The following SORCS1 variants were observed in gnomAD, a reference collection of about 807,000 sequenced individuals.
SORCS1 encodes the protein sortilin related VPS10 domain containing receptor 1.
In SORCS1, 60 loss-of-function variants were observed where a neutral mutation model predicts 146.1. That is an observed-to-expected ratio of 0.41 (90% CI 0.33 to 0.51). SORCS1 has a LOEUF of 0.51. Ranked by LOEUF, SORCS1 falls within the 20% of genes least tolerant of loss-of-function variation. The pLI is 0.21. For missense variants in SORCS1, 1,352 were observed against 1,487.6 expected (o/e 0.91, Z 1.50); for synonymous variants, 637 against 584.0 (o/e 1.09, Z -1.31).
At chr10:107,046,863 CA>C (rs1332265885) in intron 1 of SORCS1, among the ~76,000 whole-genome samples, 1 of 152,174 alleles carries the variant, frequency 6.6e-6, no homozygotes, top group Non-Finnish European at 1.5e-5. Context: ...GAGCATAAAG[CA>C]AAGAAGGCTT....
intron 1 of SORCS1, among the ~76,000 whole-genome samples, chr10:107,145,332 G>C (rs746902719): frequency 6.6e-6 from 1 of 152,200 alleles, no homozygotes; most frequent in Non-Finnish European, 1.5e-5. Context: ...AAGGCCAGAA[G>C]ACCAGCAACT....
chr10:106,636,186 G>A (rs933723501), intron 18 of SORCS1, among the ~76,000 whole-genome samples: 2 of 152,004 alleles, frequency 1.3e-5, no homozygotes, highest in African/African-American at 4.8e-5. Flanking sequence ...CTTGAGCCCG[G>A]GAAGTCAAGG....
intron 1 of SORCS1, among the ~76,000 whole-genome samples, chr10:107,068,523 A>C (rs1272422085): frequency 2.6e-5 from 4 of 152,186 alleles, no homozygotes; most frequent in East Asian, 1.9e-4. Context: ...TACTTCAGGC[A>C]TAAGTCGGCC....
intron 2 of SORCS1, among the ~76,000 whole-genome samples, chr10:106,881,687 C>A (rs533063880): frequency 3.9e-5 from 6 of 152,308 alleles, no homozygotes; most frequent in Non-Finnish European, 7.4e-5. Flanking sequence ...TCACTAGAGA[C>A]CAACGGGCTT....
At chr10:107,025,144 C>T (rs1958342843) in intron 1 of SORCS1, among the ~76,000 whole-genome samples, 2 of 152,162 alleles carry the variant, frequency 1.3e-5, no homozygotes, top group African/African-American at 4.8e-5. Flanking sequence ...ATGAAAGGCA[C>T]AGTCTTATAA....
intron 1 of SORCS1, among the ~76,000 whole-genome samples, chr10:106,976,325 G>T (rs1589832068): frequency 2.2e-5 from 2 of 90,494 alleles, no homozygotes; most frequent in East Asian, 3.0e-4. Context: ...CATCATCTAG[G>T]TTTTTTTGTT....
chr10:107,050,014 A>G (rs1480797106), intron 1 of SORCS1, among the ~76,000 whole-genome samples: 1 of 152,216 alleles, frequency 6.6e-6, no homozygotes, highest in Non-Finnish European at 1.5e-5. Flanking sequence ...TAGTTTTTCC[A>G]CAAGTGTACA....
chr10:107,046,424 AAT>A (rs1212167737), intron 1 of SORCS1, among the ~76,000 whole-genome samples: 1 of 152,052 alleles, frequency 6.6e-6, no homozygotes, highest in Non-Finnish European at 1.5e-5. Context: ...TTTATCAATA[AAT>A]ACATGTAATA....
intron 18 of SORCS1, among the ~76,000 whole-genome samples, chr10:106,645,778 C>T (rs1177839144): frequency 1.3e-5 from 2 of 151,758 alleles, no homozygotes; most frequent in East Asian, 3.9e-4. Context: ...TATTTTATTA[C>T]TGTAATAATA....
Position 106,959,925 on chromosome 10 carries a change from T to A in SORCS1, c.559-3345A>T, listed in dbSNP as rs577782698. On this transcript the variant is annotated intron_variant, in intron 1 of 25. Coordinates refer to ENST00000263054, the MANE Select transcript of SORCS1 (RefSeq NM_052918.5). ...CATGTATAGAAAAACTGAGTTCAAG[T>A]GTAGAGTATTCAAGTTCAATCAAAA... 1.2e-4 allele frequency among the ~76,000 whole-genome samples: 18 copies of A among 152,324 alleles called. No homozygotes were observed. In the South Asian group the frequency reaches 3.7e-3, roughly 32 times the overall value.
upstream of SORCS1, among the ~76,000 whole-genome samples, chr10:107,165,408 A>G (rs527863209): frequency 1.3e-4 from 20 of 151,864 alleles, no homozygotes; most frequent in Admixed American, 1.1e-3. This position sits in a 1 kb window ranked among gnomAD's most constrained non-coding sequence, Gnocchi z 4.0. Context: ...TTTGAACCCA[A>G]TCTTCCTGCA....
At chr10:106,703,060 T>C (rs978800849) in intron 8 of SORCS1, among the ~76,000 whole-genome samples, 91 of 152,284 alleles carry the variant, frequency 6.0e-4, no homozygotes, top group East Asian at 1.3e-3. Context: ...ATGAAGTTTA[T>C]TCCTTTTTTC....
Position 106,693,866 on chromosome 10 carries a change from G to A in SORCS1, c.1413+5348C>T, listed in dbSNP as rs538544660. Among the ~76,000 whole-genome samples, 10 of 152,258 alleles carry A rather than the reference G, an allele frequency of 6.6e-5. No individual in the cohort carries two copies. The East Asian group carries it at 1.9e-3, about 29-fold the overall frequency. Reference sequence around the variant, plus strand: ...AAGTTCCATGCAGAGGCTAAGTTGGGAAGACTCCTGTGCAAGAGTTTTTGC... The same window carrying A: ...AAGTTCCATGCAGAGGCTAAGTTGGAAAGACTCCTGTGCAAGAGTTTTTGC... On this transcript the variant is annotated intron_variant, in intron 9 of 25. Transcript: ENST00000263054.
chr10:107,136,067 A>G (rs1206696190), intron 1 of SORCS1, among the ~76,000 whole-genome samples: 2 of 152,220 alleles, frequency 1.3e-5, no homozygotes, highest in Admixed American at 6.5e-5. Context: ...TTGTCCATCA[A>G]GATGAAAGGA....
intron 3 of SORCS1, among the ~76,000 whole-genome samples, chr10:106,812,829 C>T (rs1396550562): frequency 6.6e-6 from 1 of 152,078 alleles, no homozygotes; most frequent in East Asian, 1.9e-4. Flanking sequence ...AAAGCAAGTA[C>T]CTACAGATTT....
At chr10:106,982,767 T>C (rs1956289318) in intron 1 of SORCS1, among the ~76,000 whole-genome samples, 1 of 152,180 alleles carries the variant, frequency 6.6e-6, no homozygotes. Flanking sequence ...TGCAGTTTAC[T>C]AAAACTGCAT....
At chr10:107,059,977 G>A (rs1961023073) in intron 1 of SORCS1, among the ~76,000 whole-genome samples, 2 of 152,038 alleles carry the variant, frequency 1.3e-5, no homozygotes, top group South Asian at 4.1e-4. Context: ...GAATGCCAGA[G>A]ATTTGATTAT....
intron 1 of SORCS1, among the ~76,000 whole-genome samples, chr10:107,139,954 A>T (rs1432809015): frequency 6.6e-6 from 1 of 152,148 alleles, no homozygotes; most frequent in African/African-American, 2.4e-5. Flanking sequence ...AATTTCTTTG[A>T]AGTCACCTGG....
In SORCS1 at chr10:107,112,964, A is replaced by G. The variant is rs539082788; in HGVS notation, c.558+51005T>C. 6.6e-5 allele frequency among the ~76,000 whole-genome samples: 10 copies of G among 152,336 alleles called. No homozygotes were observed. The South Asian group carries it at 2.1e-3, about 32-fold the overall frequency. On this transcript the variant is annotated intron_variant, in intron 1 of 25. Coordinates refer to ENST00000263054, the MANE Select transcript of SORCS1 (RefSeq NM_052918.5). ...GGATAGATCATCCAGAGAGAAAATTAATAAAGAAGCAGTAGGCTTGAACAA... is the reference window on the plus strand; with the variant it reads ...GGATAGATCATCCAGAGAGAAAATTGATAAAGAAGCAGTAGGCTTGAACAA...
Sources: gnomAD v4.1 joint callset for allele counts (sites outside exome capture counted in the v4.1 genomes callset) on GRCh38, gnomAD v4.1.1 for gene constraint, Gnocchi (gnomAD v3.1) non-coding constraint, MANE v1.5 for transcripts, NCBI Gene and HGNC (gene_info 2026-07-23, HGNC 2026-07-21) for gene names.